DCUN1D5: variants seen among roughly 807,000 people sequenced by gnomAD.
DCUN1D5 encodes the protein defective in cullin neddylation 1 domain containing 5, also known as DCN1-like protein 5.
In DCUN1D5, 10 loss-of-function variants were observed where a neutral mutation model predicts 38.3. That is an observed-to-expected ratio of 0.26 (90% CI 0.16 to 0.44). The LOEUF (loss-of-function observed/expected upper bound fraction) is 0.44. Among genes scored for constraint, DCUN1D5 ranks in the 20% least tolerant of loss-of-function variants. The probability of loss-of-function intolerance (pLI) is 1.00; values close to 1 mark genes in which losing one functional copy is unlikely to be tolerated. For missense variants in DCUN1D5, 148 were observed against 275.3 expected (o/e 0.54, Z 3.27); for synonymous variants, 93 against 90.9 (o/e 1.02, Z -0.13).
rs1334772578 is a variant in DCUN1D5 at position 103,059,549 on chromosome 11, G to A, written c.*2810C>T. Among the ~76,000 whole-genome samples, 1 of 152,050 alleles carries A rather than the reference G, an allele frequency of 6.6e-6. No homozygotes were observed. Among genetic ancestry groups the A allele is most frequent in the Non-Finnish European group, 1.5e-5 (1 of 68,002 alleles). On this transcript the variant is annotated 3_prime_UTR_variant, in exon 8 of 8. Transcript: ENST00000260247. ...CATTATACACAAAAATGCTACTACT[G>A]TCAAAAATGTATTATATCAATAATT...
Position 103,055,522 on chromosome 11 carries a change from G to A in DCUN1D5, c.*6837C>T, listed in dbSNP as rs1861852579. On this transcript the variant is annotated 3_prime_UTR_variant, in exon 8 of 8. Coordinates refer to ENST00000260247, the MANE Select transcript of DCUN1D5 (RefSeq NM_032299.4). ...TGACACTCCCTCCTCAATTTAATTT[G>A]CCATTTGTTTACATATTTGGCAACT... 6.6e-6 allele frequency: 1 copy of A among 151,958 alleles called. No individual in the cohort carries two copies. The highest frequency in any genetic ancestry group is 1.5e-5 in the Non-Finnish European group (1 of 67,978). The allele number at this position is 151,958 out of a possible 1,614,324, so 9.4% of individuals were successfully genotyped here.
At position 103,062,490 on chromosome 11, in the gene DCUN1D5, C is replaced by T. The variant is rs866121816; in HGVS notation, c.659-76G>A. The stretch of plus-strand genomic sequence containing the variant: ...AATTATAAAACAAACTCCCCACGAG[C>T]TCTGCAATGACAGAGGAATGACCCT... On this transcript the variant is annotated intron_variant, in intron 7 of 7. Transcript: ENST00000260247. The surrounding 1 kb of genome is among the most constrained non-coding windows in gnomAD (Gnocchi z 4.6). 1.9e-5 allele frequency: 25 copies of T among 1,287,490 alleles called. No individual in the cohort carries two copies. The Middle Eastern group carries it at 1.9e-3, about 97-fold the overall frequency. The allele number at this position is 1,287,490 out of a possible 1,614,324, so 79.8% of individuals were successfully genotyped here.
intron 4 of DCUN1D5, among the ~76,000 whole-genome samples, chr11:103,067,141 T>C (rs891926255): frequency 2.0e-5 from 3 of 152,214 alleles, no homozygotes; most frequent in Non-Finnish European, 1.5e-5. Flanking sequence ...ATAAGTTATA[T>C]ATGCAAAAGC....
rs2134643059 is a variant in DCUN1D5 at position 103,091,416 on chromosome 11, T to C, written c.86+371A>G. ...AAGTGACCCTTCTGCGGATATGTAC[T>C]CACTTCTAAGTCTAGAAAAAGGCAG... is the stretch of plus-strand genomic sequence containing the variant. On this transcript the variant is annotated intron_variant, in intron 1 of 7. Transcript: ENST00000260247. The surrounding 1 kb of genome is among the most constrained non-coding windows in gnomAD (Gnocchi z 4.3). 1 of 236,244 alleles carries C rather than the reference T, an allele frequency of 4.2e-6. No individual in the cohort carries two copies. 14.6% of individuals were successfully genotyped at this position (236,244 alleles called of 1,614,324 possible).
Position 103,091,702 on chromosome 11 carries a change from C to G in DCUN1D5, c.86+85G>C, listed in dbSNP as rs1359322072. ...GCCTCACCTGTCTCCAGCCCCAGCC[C>G]GGCAGGCCGGGCCCGACTCCTTTTC... On this transcript the variant is annotated intron_variant, in intron 1 of 7. Transcript: ENST00000260247. This position sits in a 1 kb window ranked among gnomAD's most constrained non-coding sequence, Gnocchi z 4.3. 3.1e-6 allele frequency: 5 copies of G among 1,611,294 alleles called. No homozygotes were observed. In the African/African-American group the frequency reaches 5.3e-5, roughly 17 times the overall value.
In DCUN1D5 at chr11:103,062,300, A is replaced by C; in HGVS notation, c.*59T>G. Reference sequence around the variant, plus strand: ...CCGTTGGATTTTTTTCCCCCTCATCACATTAGCTTGTATACACGTGGGAAT... The same window carrying C: ...CCGTTGGATTTTTTTCCCCCTCATCCCATTAGCTTGTATACACGTGGGAAT... On this transcript the variant is annotated 3_prime_UTR_variant, in exon 8 of 8. Transcript: ENST00000260247. The surrounding 1 kb of genome is among the most constrained non-coding windows in gnomAD (Gnocchi z 4.6). 2 of 1,516,828 alleles carry C rather than the reference A, an allele frequency of 1.3e-6. No individual in the cohort carries two copies. The highest frequency in any genetic ancestry group is 1.8e-6 in the Non-Finnish European group (2 of 1,095,758). 94.0% of individuals were successfully genotyped at this position (1,516,828 alleles called of 1,614,324 possible). A position where few individuals can be genotyped will look rare whatever the true frequency, so the allele number is the denominator to read the frequency against.
rs572152624 is a variant in DCUN1D5, at chr11:103,077,005, C to G, written c.341+5743G>C. ...CGAGGTCAGGAGATCAAGACCATCC[C>G]GGCTAACATGGTGAAACCCCGTCTC... is the stretch of plus-strand genomic sequence containing the variant. On this transcript the variant is annotated intron_variant, in intron 4 of 7. Transcript: ENST00000260247. The surrounding 1 kb of genome is among the most constrained non-coding windows in gnomAD (Gnocchi z 4.3). 6.6e-6 allele frequency among the ~76,000 whole-genome samples: 1 copy of G among 151,924 alleles called. No individual in the cohort carries two copies. Among genetic ancestry groups the G allele is most frequent in the South Asian group, 2.1e-4 (1 of 4,808 alleles).
intron 4 of DCUN1D5, among the ~76,000 whole-genome samples, chr11:103,068,891 AGT>A (rs1862202256): frequency 6.6e-6 from 1 of 152,140 alleles, no homozygotes; most frequent in African/African-American, 2.4e-5. Flanking sequence ...TTTTGCTTTC[AGT>A]ATTTACTTGT....
rs1423914420 is a variant in DCUN1D5, at chr11:103,059,074, T to C, written c.*3285A>G. 6.6e-6 allele frequency among the ~76,000 whole-genome samples: 1 copy of C among 152,124 alleles called. No homozygotes were observed. The highest frequency in any genetic ancestry group is 2.4e-5 in the African/African-American group (1 of 41,440). ...GAACAAAGTTTTATCAGAGATGAATTATCACAATAGTTTTAAGTACACTTC... is the reference window on the plus strand; with the variant it reads ...GAACAAAGTTTTATCAGAGATGAATCATCACAATAGTTTTAAGTACACTTC... On this transcript the variant is annotated 3_prime_UTR_variant, in exon 8 of 8. Transcript: ENST00000260247.
rs1364053578 is a variant in DCUN1D5 at position 103,056,176 on chromosome 11, G to A, written c.*6183C>T. On this transcript the variant is annotated 3_prime_UTR_variant, in exon 8 of 8. Coordinates refer to ENST00000260247, the MANE Select transcript of DCUN1D5 (RefSeq NM_032299.4). The surrounding 1 kb of genome is among the most constrained non-coding windows in gnomAD (Gnocchi z 4.9). ...CCTGCTTCCATCCTTGCTTTGATCT[G>A]AATCCTAATTGCTTGCTAGCTCACT... 6.6e-6 allele frequency among the ~76,000 whole-genome samples: 1 copy of A among 152,042 alleles called. No homozygotes were observed. Among genetic ancestry groups the A allele is most frequent in the Non-Finnish European group, 1.5e-5 (1 of 68,006 alleles).
At position 103,055,926 on chromosome 11, in the gene DCUN1D5, C is replaced by T. The variant is rs541066228; in HGVS notation, c.*6433G>A. ...TAAACTCTCAATCTACCCGCTTAAG[C>T]CTGCTCCTCTGAGTCTTCGCCATCT... On this transcript the variant is annotated 3_prime_UTR_variant, in exon 8 of 8. Coordinates refer to ENST00000260247, the MANE Select transcript of DCUN1D5 (RefSeq NM_032299.4). 6.6e-6 allele frequency: 1 copy of T among 152,330 alleles called. No individual in the cohort carries two copies. Among genetic ancestry groups the T allele is most frequent in the African/African-American group, 2.4e-5 (1 of 41,588 alleles). The allele number at this position is 152,330 out of a possible 1,614,324, so 9.4% of individuals were successfully genotyped here.
rs1862125932 is a variant in DCUN1D5, at chr11:103,066,054, A to G, written c.555+215T>C. The stretch of plus-strand genomic sequence containing the variant: ...CTTGGAGGTTTCTTTTATTTGGGGG[A>G]CTGGGGGGGTAGGATTGAAAATATC... On this transcript the variant is annotated intron_variant, in intron 6 of 7. Transcript: ENST00000260247. The surrounding 1 kb of genome is among the most constrained non-coding windows in gnomAD (Gnocchi z 4.7). Among the ~76,000 whole-genome samples the G allele has an allele frequency of 6.6e-6, 1 of 151,654 alleles. No homozygotes were observed. Among genetic ancestry groups the G allele is most frequent in the African/African-American group, 2.4e-5 (1 of 41,270 alleles).
chr11:103,070,438 A>G (rs1862243775), intron 4 of DCUN1D5, among the ~76,000 whole-genome samples: 1 of 152,194 alleles, frequency 6.6e-6, no homozygotes, highest in Non-Finnish European at 1.5e-5. Context: ...GCAACTTCAG[A>G]GCAAAGAAAA....
rs751851218 is a variant in DCUN1D5, at chr11:103,063,023, C to T, written c.659-609G>A. ...TGTTTAAATGTAGGAAAAAAATCAC[C>T]GCCACAAAGAAATATGCTTGCTTTA... On this transcript the variant is annotated intron_variant, in intron 7 of 7. Coordinates refer to ENST00000260247, the MANE Select transcript of DCUN1D5 (RefSeq NM_032299.4). This position sits in a 1 kb window ranked among gnomAD's most constrained non-coding sequence, Gnocchi z 4.6. Among the ~76,000 whole-genome samples the T allele has an allele frequency of 1.9e-4, 29 of 152,076 alleles. No individual in the cohort carries two copies. The highest frequency in any genetic ancestry group is 3.1e-4 in the Non-Finnish European group (21 of 67,960).
At chr11:103,089,459 G>A in intron 1 of DCUN1D5, 141 bp from the exon 2 acceptor site, 1 of 687,220 alleles carries the variant, frequency 1.5e-6, no homozygotes, top group Non-Finnish European at 2.3e-6. Context: ...AAAAACTGAA[G>A]TTGTTAAGTA....
At chr11:103,088,132 C>G (rs1210782726) in intron 2 of DCUN1D5, among the ~76,000 whole-genome samples, 1 of 150,212 alleles carries the variant, frequency 6.7e-6, no homozygotes, top group Admixed American at 6.6e-5. Flanking sequence ...AAAGTTACTG[C>G]CCCCCTTTCA....
chr11:103,090,675 G>A (rs935086575), intron 1 of DCUN1D5, among the ~76,000 whole-genome samples: 8 of 152,200 alleles, frequency 5.3e-5, no homozygotes, highest in Admixed American at 1.3e-4. Flanking sequence ...CACTTTGGGA[G>A]GCCGAGGCGG....
In DCUN1D5 at chr11:103,083,415, T is replaced by C; in HGVS notation, c.179-89A>G. The C allele has an allele frequency of 4.7e-6, 3 of 641,408 alleles. No individual in the cohort carries two copies. Among genetic ancestry groups the C allele is most frequent in the East Asian group, 2.8e-5 (1 of 35,514 alleles). 39.7% of individuals were successfully genotyped at this position (641,408 alleles called of 1,614,324 possible). A position where few individuals can be genotyped will look rare whatever the true frequency, so the allele number is the denominator to read the frequency against. On this transcript the variant is annotated intron_variant, in intron 2 of 7. Coordinates refer to ENST00000260247, the MANE Select transcript of DCUN1D5 (RefSeq NM_032299.4). This position sits in a 1 kb window ranked among gnomAD's most constrained non-coding sequence, Gnocchi z 4.4. ...GCTAAAGGTACCCATGAACACACCA[T>C]AATATTTTGCAAATAATTAAATTTG...
intron 4 of DCUN1D5, among the ~76,000 whole-genome samples, chr11:103,074,027 A>G (rs989008147): frequency 4.6e-5 from 7 of 152,156 alleles, no homozygotes; most frequent in Non-Finnish European, 7.3e-5. Context: ...CCAAGATCGC[A>G]GCACAGGTTG....
Sources: allele counts gnomAD v4.1 joint callset (sites outside exome capture counted in the v4.1 genomes callset), GRCh38; gene constraint gnomAD v4.1.1; non-coding constraint Gnocchi (gnomAD v3.1); transcripts MANE v1.5; gene names NCBI Gene and HGNC (gene_info 2026-07-23, HGNC 2026-07-21).